Variants in LYN observed in about 807,000 individuals in gnomAD.
The protein encoded by LYN is LYN proto-oncogene, Src family tyrosine kinase, also known as tyrosine-protein kinase Lyn.
A neutral mutation model predicts 65.0 loss-of-function variants in LYN; 12 were observed. The observed-to-expected ratio is 0.18, with a 90% CI of 0.12 to 0.30. LYN has a LOEUF of 0.30. LYN is among the 10% of genes least tolerant of loss of function. The probability of loss-of-function intolerance (pLI) is 1.00; values close to 1 mark genes in which losing one functional copy is unlikely to be tolerated. For synonymous variants in LYN, 222 were observed against 221.2 expected, an observed-to-expected ratio of 1.00 and a Z score of -0.03; for missense variants, 380 against 623.2, an observed-to-expected ratio of 0.61 and a Z score of 4.16.
At chr8:55,972,167 C>T (rs1337889416) in intron 10 of LYN, among the ~76,000 whole-genome samples, 3 of 152,226 alleles carry the variant, frequency 2.0e-5, no homozygotes, top group African/African-American at 4.8e-5. Flanking sequence ...GCATGAACTG[C>T]TCAGTGTCAC....
chr8:55,936,875 G>A (rs1308388525), intron 1 of LYN, among the ~76,000 whole-genome samples: 1 of 152,170 alleles, frequency 6.6e-6, no homozygotes, highest in East Asian at 1.9e-4. Flanking sequence ...TTGTACCTGA[G>A]ACCTTTGATT....
At chr8:55,967,004 C>A in intron 9 of LYN, 107 bp downstream of exon 9, 1 of 1,018,216 alleles carries the variant, frequency 9.8e-7, no homozygotes, top group African/African-American at 1.6e-5. Context: ...AACAGTATAC[C>A]CACTACCGAA....
intron 10 of LYN, among the ~76,000 whole-genome samples, chr8:55,985,815 A>G (rs1808057804): frequency 6.6e-6 from 1 of 152,030 alleles, no homozygotes; most frequent in Non-Finnish European, 1.5e-5. Flanking sequence ...GGTTGGATGG[A>G]AGGGGGAATG....
chr8:55,905,135 G>A (rs920053877), intron 1 of LYN, among the ~76,000 whole-genome samples: 1 of 152,212 alleles, frequency 6.6e-6, no homozygotes, highest in African/African-American at 2.4e-5. Context: ...ACCTGGCTGG[G>A]TGTGGTGGCT....
intron 12 of LYN, among the ~76,000 whole-genome samples, chr8:56,005,292 G>A (rs1289339957): frequency 6.6e-6 from 1 of 152,126 alleles, no homozygotes; most frequent in Non-Finnish European, 1.5e-5. Flanking sequence ...GCATGGTGTG[G>A]CCCATGTCTT....
chr8:55,916,770 CTG>C (rs773080038), intron 1 of LYN, among the ~76,000 whole-genome samples: 1 of 152,094 alleles, frequency 6.6e-6, no homozygotes, highest in Admixed American at 6.5e-5. Context: ...GCACCTTAGG[CTG>C]TGTGTGTGTC....
rs985406097 is a variant in LYN at position 56,010,203 on chromosome 8, G to A, written c.*93G>A. The A allele has an allele frequency of 1.1e-5, 14 of 1,276,220 alleles. No homozygotes were observed. The highest frequency in any genetic ancestry group is 8.8e-5 in the African/African-American group (6 of 68,042). 79.1% of individuals were successfully genotyped at this position (1,276,220 alleles called of 1,614,324 possible). A position where few individuals can be genotyped will look rare whatever the true frequency, so the allele number is the denominator to read the frequency against. On this transcript the variant is annotated 3_prime_UTR_variant, in exon 13 of 13. Transcript: ENST00000519728. ...TGGTTGCACTTATGATTTCATGTGC[G>A]GGGATCATCTGCCGTGCCTGGATCC...
At chr8:55,886,844 C>T (rs1359010208) in intron 1 of LYN, among the ~76,000 whole-genome samples, 1 of 152,170 alleles carries the variant, frequency 6.6e-6, no homozygotes. Context: ...ATAGCCATCA[C>T]CTTAAATATT....
chr8:55,899,046 A>G (rs1180910137), intron 1 of LYN, among the ~76,000 whole-genome samples: 1 of 152,142 alleles, frequency 6.6e-6, no homozygotes, highest in Non-Finnish European at 1.5e-5. Context: ...AAGTGTTGGG[A>G]TTACAGGCAT....
chr8:56,013,123 CT>C lies in LYN; in HGVS notation c.*3014del, dbSNP rs1272145953. ...CTGCCACAGAAGCCAGCAGCCCTGG[CT>C]GTCCCAAGGGTGCATAAAAGGATAA... On this transcript the variant is annotated 3_prime_UTR_variant, in exon 13 of 13. Coordinates refer to ENST00000519728, the MANE Select transcript of LYN (RefSeq NM_002350.4). 1 of 152,280 alleles carries C rather than the reference CT, an allele frequency of 6.6e-6. No homozygotes were observed. Among genetic ancestry groups the C allele is most frequent in the Non-Finnish European group, 1.5e-5 (1 of 68,120 alleles). 9.4% of individuals were successfully genotyped at this position (152,280 alleles called of 1,614,324 possible).
At chr8:56,004,256 A>AATATATGC (rs1808615216) in intron 12 of LYN, among the ~76,000 whole-genome samples, 1 of 150,814 alleles carries the variant, frequency 6.6e-6, no homozygotes, top group African/African-American at 2.4e-5. Flanking sequence ...TTATCTAAGT[A>AATATATGC]ATATATGCAC....
At chr8:55,916,394 C>T (rs1805780895) in intron 1 of LYN, among the ~76,000 whole-genome samples, 2 of 152,136 alleles carry the variant, frequency 1.3e-5, no homozygotes, top group Admixed American at 1.3e-4. Flanking sequence ...AAGGCTAAAC[C>T]TTCAATTTCT....
intron 1 of LYN, among the ~76,000 whole-genome samples, chr8:55,889,599 G>C (rs1804895166): frequency 6.6e-6 from 1 of 152,176 alleles, no homozygotes. Flanking sequence ...TCCTAGAGGA[G>C]TTTATTGTGC....
At chr8:55,992,529 C>T (rs1321024787) in intron 10 of LYN, among the ~76,000 whole-genome samples, 2 of 152,216 alleles carry the variant, frequency 1.3e-5, no homozygotes, top group African/African-American at 2.4e-5. Flanking sequence ...TTATGCTGGC[C>T]CTGCACATCT....
rs542856186 is a variant in LYN at position 55,944,861 on chromosome 8, G to A, written c.133-1587G>A. On this transcript the variant is annotated intron_variant, in intron 2 of 12. Transcript: ENST00000519728. ...AGAATAGTGTGCAAACCCACACACCGCTTTTTCCTCTTGTTCAAAATAAAG... is the reference window on the plus strand; with the variant it reads ...AGAATAGTGTGCAAACCCACACACCACTTTTTCCTCTTGTTCAAAATAAAG... Among the ~76,000 whole-genome samples the A allele has an allele frequency of 1.8e-4, 28 of 152,306 alleles. No homozygotes were observed. In the South Asian group the frequency reaches 2.9e-3, roughly 16 times the overall value.
intron 10 of LYN, among the ~76,000 whole-genome samples, chr8:55,996,233 G>T (rs1012219109): frequency 6.6e-6 from 1 of 152,174 alleles, no homozygotes; most frequent in Non-Finnish European, 1.5e-5. Context: ...GTAAAGGGGA[G>T]TTCAGGGAAG....
At chr8:55,960,587 A>G (rs1040785271) in intron 8 of LYN, among the ~76,000 whole-genome samples, 2 of 152,216 alleles carry the variant, frequency 1.3e-5, no homozygotes, top group South Asian at 2.1e-4. Context: ...AATAGACTGA[A>G]GGATACTCCC....
chr8:55,966,235 T>A (rs991975599), intron 8 of LYN, among the ~76,000 whole-genome samples: 5 of 152,202 alleles, frequency 3.3e-5, no homozygotes, highest in African/African-American at 1.2e-4. Flanking sequence ...CATTTTTTGG[T>A]AAAGAAAGAA....
In LYN at chr8:55,952,005, A is replaced by AT; in HGVS notation, c.528dup (p.Gly177TrpfsTer2). ...TCTGTCAGAGACTTTGACCCTGTGC[A>AT]TGGTGATGTTATTAAGCACTACAAA... On this transcript the variant is annotated frameshift_variant, in exon 7 of 13. Coordinates refer to ENST00000519728, the MANE Select transcript of LYN (RefSeq NM_002350.4). LOFTEE classifies it high-confidence loss of function. 1 of 1,612,318 alleles carries AT rather than the reference A, an allele frequency of 6.2e-7. No homozygotes were observed. Among genetic ancestry groups the AT allele is most frequent in the Non-Finnish European group, 8.5e-7 (1 of 1,179,558 alleles).
Sources: allele counts gnomAD v4.1 joint callset (sites outside exome capture counted in the v4.1 genomes callset), GRCh38; gene constraint gnomAD v4.1.1; transcripts MANE v1.5; gene names NCBI Gene and HGNC (gene_info 2026-07-23, HGNC 2026-07-21).